The following ITSN2 variants were observed in gnomAD, a reference collection of about 807,000 sequenced individuals.
ITSN2 encodes intersectin-2.
Under a neutral mutation model 243.7 loss-of-function variants are expected in ITSN2, and 156 were observed. That is an observed-to-expected ratio of 0.64 (90% CI 0.56 to 0.73). The LOEUF (loss-of-function observed/expected upper bound fraction) is 0.73. Among genes scored for constraint, ITSN2 ranks in the 30% least tolerant of loss-of-function variants. The pLI is 0.00. For missense variants in ITSN2, 1,801 were observed against 1,996.1 expected, an observed-to-expected ratio of 0.90 and a Z score of 1.86; for synonymous variants, 703 against 699.9, an observed-to-expected ratio of 1.00 and a Z score of -0.07.
intron 1 of ITSN2, among the ~76,000 whole-genome samples, chr2:24,340,358 G>C (rs1012136272): frequency 2.6e-5 from 4 of 152,028 alleles, no homozygotes; most frequent in Admixed American, 6.6e-5. Context: ...GCACACGCTT[G>C]TAGTCCCAGC....
At chr2:24,307,255 T>C (rs1315168097) in intron 8 of ITSN2, among the ~76,000 whole-genome samples, 1 of 152,136 alleles carries the variant, frequency 6.6e-6, no homozygotes, top group Non-Finnish European at 1.5e-5. Context: ...TACTATTATT[T>C]TATGAATAAG....
chr2:24,332,047 C>T lies in ITSN2; in HGVS notation c.-33-3932G>A, dbSNP rs1685851089. 2.0e-5 allele frequency among the ~76,000 whole-genome samples: 3 copies of T among 152,134 alleles called. No individual in the cohort carries two copies. In the South Asian group the frequency reaches 6.2e-4, roughly 32 times the overall value. ...TCACCTGAAGTCAGGAGTTCAAGAC[C>T]AGCCTGACCAACATGGTGAAACCCC... On this transcript the variant is annotated intron_variant, in intron 1 of 39. Coordinates refer to ENST00000355123, the MANE Select transcript of ITSN2 (RefSeq NM_006277.3).
At chr2:24,227,100 A>G (rs917556960) in intron 29 of ITSN2, among the ~76,000 whole-genome samples, 4 of 152,044 alleles carry the variant, frequency 2.6e-5, no homozygotes, top group African/African-American at 4.8e-5. Context: ...TGGGCGATAC[A>G]GCAAGACTCC....
chr2:24,300,597 T>A (rs539257813), intron 11 of ITSN2, among the ~76,000 whole-genome samples: 10 of 151,968 alleles, frequency 6.6e-5, no homozygotes, highest in Admixed American at 6.5e-4. Flanking sequence ...CAGGCACCTG[T>A]AATCCCAGCT....
chr2:24,312,890 G>T (rs1683425734), intron 4 of ITSN2, among the ~76,000 whole-genome samples: 1 of 152,004 alleles, frequency 6.6e-6, no homozygotes, highest in African/African-American at 2.4e-5. Flanking sequence ...TGAAATAAAT[G>T]AAACTACAAA....
intron 13 of ITSN2, 90 bp from the exon 14 acceptor site, chr2:24,295,894 A>C: frequency 1.0e-6 from 1 of 990,494 alleles, no homozygotes; most frequent in South Asian, 2.0e-5. Flanking sequence ...TTAAATTTTA[A>C]AATCTCAGTT....
At position 24,301,251 on chromosome 2, in the gene ITSN2, A is replaced by C. The variant is rs771339174; in HGVS notation, c.996-12T>G. On this transcript the variant is annotated splice_polypyrimidine_tract_variant and intron_variant, in intron 10 of 39. Coordinates refer to ENST00000355123, the MANE Select transcript of ITSN2 (RefSeq NM_006277.3). ...TTTGCTTTCCTCCTCTAAAAAAATCAAACAACAAAGTTAGCATCATGTAGT... is the reference window on the plus strand; with the variant it reads ...TTTGCTTTCCTCCTCTAAAAAAATCCAACAACAAAGTTAGCATCATGTAGT... The C allele has an allele frequency of 1.9e-6, 3 of 1,563,942 alleles. No homozygotes were observed. Among genetic ancestry groups the C allele is most frequent in the Non-Finnish European group, 2.6e-6 (3 of 1,137,280 alleles).
intron 17 of ITSN2, 133 bp downstream of exon 17, chr2:24,284,629 AG>A (rs2151546752): frequency 1.8e-6 from 1 of 548,542 alleles, no homozygotes; most frequent in East Asian, 3.0e-5. Context: ...TCAAGCAAGC[AG>A]AAAGAAAAAG....
chr2:24,206,075 T>C lies in ITSN2; in HGVS notation c.4679-778A>G, dbSNP rs867474448. 3.9e-5 allele frequency among the ~76,000 whole-genome samples: 6 copies of C among 152,258 alleles called. No individual in the cohort carries two copies. In the Middle Eastern group the frequency reaches 0.01, roughly 259 times the overall value. Reference sequence around the variant, plus strand: ...CGCACGGACGATGCACAGCAACATATGCAGATGCTGATGGGAAGCAAAACT... The same window carrying C: ...CGCACGGACGATGCACAGCAACATACGCAGATGCTGATGGGAAGCAAAACT... On this transcript the variant is annotated intron_variant, in intron 37 of 39. Coordinates refer to ENST00000355123, the MANE Select transcript of ITSN2 (RefSeq NM_006277.3).
At chr2:24,205,140 CTG>C (rs2151072515) in intron 38 of ITSN2, 72 bp downstream of exon 38, 1 of 1,225,460 alleles carries the variant, frequency 8.2e-7, no homozygotes, top group East Asian at 2.4e-5. Flanking sequence ...CACTGAGACT[CTG>C]TCTCAAAAAG....
intron 1 of ITSN2, among the ~76,000 whole-genome samples, chr2:24,335,642 CTGTT>C (rs1485329640): frequency 3.3e-5 from 5 of 151,144 alleles, no homozygotes; most frequent in South Asian, 4.2e-4. Context: ...CCTTCCAGGG[CTGTT>C]TGTTTGTTTT....
chr2:24,348,494 T>C (rs1030491181), intron 1 of ITSN2, among the ~76,000 whole-genome samples: 1 of 152,154 alleles, frequency 6.6e-6, no homozygotes, highest in African/African-American at 2.4e-5. Flanking sequence ...CCGGCAGCCC[T>C]TGTCTATTTT....
At chr2:24,357,521 C>T (rs973516052) in intron 1 of ITSN2, among the ~76,000 whole-genome samples, 1 of 152,014 alleles carries the variant, frequency 6.6e-6, no homozygotes, top group Non-Finnish European at 1.5e-5. Flanking sequence ...TGAATAGGTG[C>T]AGCAAACCAC....
At chr2:24,212,558 G>A in intron 33 of ITSN2, 92 bp downstream of exon 33, 1 of 905,442 alleles carries the variant, frequency 1.1e-6, no homozygotes, top group African/African-American at 1.7e-5. Flanking sequence ...GGGTGAGGTG[G>A]CATGCTCAGG....
intron 20 of ITSN2, among the ~76,000 whole-genome samples, chr2:24,262,829 C>T (rs2151401615): frequency 6.6e-6 from 1 of 152,240 alleles, no homozygotes; most frequent in Admixed American, 6.5e-5. Context: ...CCTCCATCCC[C>T]TCCTTCTCCT....
chr2:24,236,161 G>T (rs777775778), intron 29 of ITSN2, among the ~76,000 whole-genome samples: 1 of 152,118 alleles, frequency 6.6e-6, no homozygotes, highest in Non-Finnish European at 1.5e-5. Flanking sequence ...TGTTAATTTG[G>T]CCATAAAAAG....
At chr2:24,218,081 CA>C in intron 30 of ITSN2, 68 bp from the exon 31 acceptor site, 1 of 963,756 alleles carries the variant, frequency 1.0e-6, no homozygotes, top group Non-Finnish European at 1.7e-6. Context: ...TGGTCTAAAT[CA>C]AACAATGTCT....
At chr2:24,273,295 C>T (rs1352415135) in intron 18 of ITSN2, among the ~76,000 whole-genome samples, 2 of 152,154 alleles carry the variant, frequency 1.3e-5, no homozygotes, top group African/African-American at 4.8e-5. Context: ...AGAATGCTTC[C>T]TCCGGCAACT....
Position 24,301,207 on chromosome 2 carries a change from G to A in ITSN2, c.1028C>T (p.Thr343Ile). The part of the protein sequence containing the change: ...GGKQIDSING[T>I]LPSYQKMQEE... ...TTGCATTTTCTGATATGAAGGCAGA[G>A]TTCCATTAATGGAATCAATTTGCTT... The change falls in exon 11 of 40, where the codon ACT becomes ATT. Residue 343 changes from threonine (T) to isoleucine (I), a missense_variant. Coordinates refer to ENST00000355123, the MANE Select transcript of ITSN2 (RefSeq NM_006277.3). 1 of 1,608,910 alleles carries A rather than the reference G, an allele frequency of 6.2e-7. No homozygotes were observed. The highest frequency in any genetic ancestry group is 8.5e-7 in the Non-Finnish European group (1 of 1,176,874).
Sources: gnomAD v4.1 joint callset for allele counts (sites outside exome capture counted in the v4.1 genomes callset) on GRCh38, gnomAD v4.1.1 for gene constraint, MANE v1.5 for transcripts, NCBI Gene and HGNC (gene_info 2026-07-23, HGNC 2026-07-21) for gene names.